The following ATP6V1E1 variants were observed in gnomAD, a reference collection of about 807,000 sequenced individuals.
ATP6V1E1 encodes the protein ATPase H+ transporting V1 subunit E1, also known as V-type proton ATPase subunit E 1.
ATP6V1E1 carries 21 observed loss-of-function variants against 35.2 expected under a neutral mutation model. The ratio of observed to expected loss-of-function variants is 0.60; its 90% CI spans 0.42 to 0.86. ATP6V1E1 has a LOEUF of 0.86. Ranked by LOEUF, ATP6V1E1 falls within the 40% of genes least tolerant of loss-of-function variation. The pLI, the probability that ATP6V1E1 is intolerant of heterozygous loss-of-function variation, is 0.00. For missense variants in ATP6V1E1, 183 were observed against 272.6 expected (o/e 0.67, Z 2.32); for synonymous variants, 83 against 87.8 (o/e 0.95, Z 0.30).
chr22:17,606,179 C>A (rs4263214), intron 4 of ATP6V1E1, among the ~76,000 whole-genome samples: 52,844 of 151,986 alleles, frequency 0.35, 9,522 homozygotes, highest in African/African-American at 0.41. Flanking sequence ...CAAAGCACCA[C>A]ACAACTTGCC....
In ATP6V1E1 at chr22:17,628,706, G is replaced by C. The variant is rs758805017; in HGVS notation, c.-71C>G. 1.9e-6 allele frequency: 3 copies of C among 1,600,008 alleles called. No homozygotes were observed. The highest frequency in any genetic ancestry group is 2.7e-5 in the African/African-American group (2 of 74,464). Reference sequence around the variant, plus strand: ...TTTGAAAGGTGAGGTGAGAGAAATCGGCAAAGGGAACCCCTGCGCAGATCT... The same window carrying C: ...TTTGAAAGGTGAGGTGAGAGAAATCCGCAAAGGGAACCCCTGCGCAGATCT... On this transcript the variant is annotated 5_prime_UTR_variant, in exon 1 of 9. Coordinates refer to ENST00000253413, the MANE Select transcript of ATP6V1E1 (RefSeq NM_001696.4).
intron 1 of ATP6V1E1, among the ~76,000 whole-genome samples, chr22:17,624,694 G>A (rs778153795): frequency 4.6e-5 from 7 of 151,652 alleles, no homozygotes; most frequent in Non-Finnish European, 8.8e-5. Context: ...GGTGACATAC[G>A]CCTGTAGTCC....
At chr22:17,607,764 A>T (rs1198471998) in intron 4 of ATP6V1E1, among the ~76,000 whole-genome samples, 3 of 152,184 alleles carry the variant, frequency 2.0e-5, no homozygotes, top group African/African-American at 7.2e-5. Context: ...CTGCTGGTTT[A>T]AATGCTGACT....
At chr22:17,595,629 T>G (rs1158405706) in intron 7 of ATP6V1E1, among the ~76,000 whole-genome samples, 1 of 152,024 alleles carries the variant, frequency 6.6e-6, no homozygotes, top group East Asian at 1.9e-4. Context: ...GAGGCCAGCC[T>G]GGCCAACATG....
At chr22:17,613,043 C>CT (rs1417720262) in intron 3 of ATP6V1E1, 165 bp from the exon 4 acceptor site, 2 of 884,718 alleles carry the variant, frequency 2.3e-6, no homozygotes, top group African/African-American at 3.4e-5. Flanking sequence ...TTGAATAATC[C>CT]TGTCAGGCTT....
intron 6 of ATP6V1E1, 80 bp downstream of exon 6, chr22:17,599,947 G>A (rs1160967050): frequency 9.2e-7 from 1 of 1,089,816 alleles, no homozygotes; most frequent in East Asian, 3.0e-5. Flanking sequence ...AAGGAAGGAA[G>A]GAAGGAAAAG....
chr22:17,601,735 T>C (rs2057762977), intron 4 of ATP6V1E1, among the ~76,000 whole-genome samples: 1 of 152,090 alleles, frequency 6.6e-6, no homozygotes, highest in African/African-American at 2.4e-5. Flanking sequence ...GCCTCCTGAG[T>C]AGATGAGACT....
At chr22:17,602,405 C>T (rs565026202) in intron 4 of ATP6V1E1, among the ~76,000 whole-genome samples, 67 of 150,238 alleles carry the variant, frequency 4.5e-4, no homozygotes, top group African/African-American at 1.4e-3. Context: ...GAGACAGTCT[C>T]GCTCTGTTGC....
At chr22:17,596,551 T>C (rs936324886) in intron 7 of ATP6V1E1, among the ~76,000 whole-genome samples, 2 of 152,116 alleles carry the variant, frequency 1.3e-5, no homozygotes, top group Admixed American at 6.5e-5. Flanking sequence ...AATCTTGAAC[T>C]TTCCAGCCAT....
intron 8 of ATP6V1E1, among the ~76,000 whole-genome samples, chr22:17,593,556 G>A (rs2057715839): frequency 1.3e-5 from 2 of 152,172 alleles, no homozygotes; most frequent in Non-Finnish European, 2.9e-5. Flanking sequence ...ATTGTGTGCT[G>A]AGAAACTGAA....
chr22:17,600,885 A>G (rs1464895845), intron 5 of ATP6V1E1: 1 of 375,182 alleles, frequency 2.7e-6, no homozygotes, highest in African/African-American at 2.1e-5. Context: ...GTCTTATCCA[A>G]GCAGACAGAT....
At chr22:17,594,498 A>G (rs764799703) in intron 8 of ATP6V1E1, 31 bp downstream of exon 8, 14 of 1,484,422 alleles carry the variant, frequency 9.4e-6, no homozygotes, top group African/African-American at 1.4e-5. Flanking sequence ...GTAACAGCAG[A>G]CCAACTACCA....
chr22:17,598,389 A>G, intron 6 of ATP6V1E1, 101 bp from the exon 7 acceptor site: 1 of 957,690 alleles, frequency 1.0e-6, no homozygotes, highest in Middle Eastern at 2.2e-4. Flanking sequence ...CATTTATCCC[A>G]GGTAAAAGAA....
chr22:17,627,494 G>T (rs1175669631), intron 1 of ATP6V1E1, among the ~76,000 whole-genome samples: 1 of 151,810 alleles, frequency 6.6e-6, no homozygotes, highest in African/African-American at 2.4e-5. Context: ...AATCCATTAT[G>T]ATAGAGGGGA....
At chr22:17,613,415 A>G in intron 2 of ATP6V1E1, 95 bp from the exon 3 acceptor site, 2 of 883,280 alleles carry the variant, frequency 2.3e-6, no homozygotes, top group Non-Finnish European at 3.6e-6. Context: ...TATGAACACT[A>G]ATTTCATATA....
At chr22:17,612,744 A>C in intron 4 of ATP6V1E1, 68 bp downstream of exon 4, 1 of 1,198,478 alleles carries the variant, frequency 8.3e-7, no homozygotes, top group Admixed American at 2.6e-5. Flanking sequence ...AATGTTAACT[A>C]GTAATTTACA....
At chr22:17,598,366 G>T in intron 6 of ATP6V1E1, 78 bp from the exon 7 acceptor site, 3 of 1,141,178 alleles carry the variant, frequency 2.6e-6, no homozygotes, top group Non-Finnish European at 2.6e-6. Context: ...GACTATACAA[G>T]CAAGGATACC....
chr22:17,619,526 T>A lies in ATP6V1E1; in HGVS notation c.34A>T (p.Ile12Leu). 6.3e-7 allele frequency: 1 copy of A among 1,577,660 alleles called. No individual in the cohort carries two copies. The highest frequency in any genetic ancestry group is 8.6e-7 in the Non-Finnish European group (1 of 1,166,588). The change falls in exon 2 of 9, where the codon ATA (isoleucine) becomes TTA (leucine). Residue 12 changes from isoleucine (I) to leucine (L), a missense_variant and splice_region_variant. Ile to Leu is a conservative substitution (Grantham distance 5, BLOSUM62 2). Coordinates refer to ENST00000253413, the MANE Select transcript of ATP6V1E1 (RefSeq NM_001696.4). ...TCAATGAAAGCCATCATATGCTTTA[T>A]CTATAAGGAAAAAAAGTTTTATTTT... ...ALSDADVQKQ[I>L]KHMMAFIEQE... is the part of the protein sequence containing the mutation.
rs986550286 is a variant in ATP6V1E1, at chr22:17,592,464, C to A, written c.*210G>T. 1 of 566,200 alleles carries A rather than the reference C, an allele frequency of 1.8e-6. No individual in the cohort carries two copies. The highest frequency in any genetic ancestry group is 2.1e-5 in the South Asian group (1 of 46,776). The allele number at this position is 566,200 out of a possible 1,614,324, so 35.1% of individuals were successfully genotyped here. Reference sequence around the variant, plus strand: ...GGACACTGTCACACTTTCAGAAGAACTGGAGGTGGGTCCTGATCATATTAC... The same window carrying A: ...GGACACTGTCACACTTTCAGAAGAAATGGAGGTGGGTCCTGATCATATTAC... On this transcript the variant is annotated 3_prime_UTR_variant, in exon 9 of 9. Coordinates refer to ENST00000253413, the MANE Select transcript of ATP6V1E1 (RefSeq NM_001696.4).
Sources: allele counts gnomAD v4.1 joint callset (sites outside exome capture counted in the v4.1 genomes callset), GRCh38; gene constraint gnomAD v4.1.1; transcripts MANE v1.5; gene names NCBI Gene and HGNC (gene_info 2026-07-23, HGNC 2026-07-21).